The following MTHFD1L variants were observed in gnomAD, a reference collection of about 807,000 sequenced individuals.
MTHFD1L encodes monofunctional C1-tetrahydrofolate synthase, mitochondrial.
MTHFD1L carries 81 observed loss-of-function variants against 119.5 expected under a neutral mutation model. The observed-to-expected ratio is 0.68, with a 90% confidence interval of 0.57 to 0.82. MTHFD1L has a LOEUF of 0.82. MTHFD1L is among the 40% of genes least tolerant of loss of function. The probability of loss-of-function intolerance (pLI) is 0.00; values close to 1 mark genes in which losing one functional copy is unlikely to be tolerated. For missense variants in MTHFD1L, 1,125 were observed against 1,253.4 expected (o/e 0.90, Z 1.55); for synonymous variants, 430 against 475.2 (o/e 0.90, Z 1.24).
At chr6:151,055,309 T>G (rs1033255811) in intron 26 of MTHFD1L, among the ~76,000 whole-genome samples, 1 of 152,034 alleles carries the variant, frequency 6.6e-6, no homozygotes, top group Non-Finnish European at 1.5e-5. Context: ...GAGCACTTAC[T>G]AGGTGCCAGC....
chr6:151,061,509 T>G (rs780708975), intron 26 of MTHFD1L, among the ~76,000 whole-genome samples: 2 of 152,220 alleles, frequency 1.3e-5, no homozygotes, highest in Admixed American at 6.5e-5. Context: ...AGAGGATAGT[T>G]GAAACCCTCC....
chr6:151,019,249 C>T (rs1783595260), intron 24 of MTHFD1L, among the ~76,000 whole-genome samples: 1 of 152,122 alleles, frequency 6.6e-6, no homozygotes, highest in African/African-American at 2.4e-5. Context: ...GCCATCTTGC[C>T]GTCTGATCAT....
chr6:150,959,004 C>T (rs547118723), intron 17 of MTHFD1L, among the ~76,000 whole-genome samples: 52 of 152,200 alleles, frequency 3.4e-4, no homozygotes, highest in South Asian at 2.5e-3. Context: ...TACAGAAAAT[C>T]TCCATATTTT....
At chr6:151,076,873 C>T (rs1179787913) in intron 26 of MTHFD1L, among the ~76,000 whole-genome samples, 4 of 152,200 alleles carry the variant, frequency 2.6e-5, no homozygotes, top group Middle Eastern at 3.4e-3. Flanking sequence ...TGTAAAGATC[C>T]GTGCATGAAT....
chr6:151,036,677 A>G (rs1247655295), intron 25 of MTHFD1L, among the ~76,000 whole-genome samples: 1 of 152,162 alleles, frequency 6.6e-6, no homozygotes, highest in African/African-American at 2.4e-5. Context: ...CTTTGCCTGA[A>G]AATAGCCATG....
chr6:150,964,233 C>A (rs1796873354), intron 18 of MTHFD1L, among the ~76,000 whole-genome samples: 2 of 152,054 alleles, frequency 1.3e-5, no homozygotes, highest in South Asian at 4.1e-4. Flanking sequence ...CTTTTTTTGG[C>A]ACATGTTTTC....
chr6:150,885,737 A>G lies in MTHFD1L; in HGVS notation c.643+3A>G. The G allele has an allele frequency of 1.2e-6, 2 of 1,604,142 alleles. No individual in the cohort carries two copies. The highest frequency in any genetic ancestry group is 2.2e-5 in the South Asian group (2 of 90,748). ...AATTGAACTTCTTGAAAAATCAGGT[A>G]GGATGCTCCTTGAGAAATGCCGCTG... On this transcript the variant is annotated splice_donor_region_variant and intron_variant, in intron 6 of 27. Coordinates refer to ENST00000367321, the MANE Select transcript of MTHFD1L (RefSeq NM_015440.5).
At chr6:150,978,963 G>A (rs1307116357) in intron 20 of MTHFD1L, among the ~76,000 whole-genome samples, 1 of 152,126 alleles carries the variant, frequency 6.6e-6, no homozygotes, top group Admixed American at 6.5e-5. Context: ...ATTTTAGCTG[G>A]GCGCAGTGGC....
intron 1 of MTHFD1L, among the ~76,000 whole-genome samples, chr6:150,870,302 G>A (rs1779181136): frequency 6.6e-6 from 1 of 152,160 alleles, no homozygotes; most frequent in African/African-American, 2.4e-5. Context: ...TGAGCCTAAT[G>A]ACTCCTTTTT....
Position 150,865,730 on chromosome 6 carries a change from G to GCCGCCA in MTHFD1L, c.-88_-87insACCGCC. 9.1e-7 allele frequency: 1 copy of GCCGCCA among 1,093,868 alleles called. No individual in the cohort carries two copies. Among genetic ancestry groups the GCCGCCA allele is most frequent in the Non-Finnish European group, 1.1e-6 (1 of 888,812 alleles). 67.8% of individuals were successfully genotyped at this position (1,093,868 alleles called of 1,614,324 possible). A position where few individuals can be genotyped will look rare whatever the true frequency, so the allele number is the denominator to read the frequency against. On this transcript the variant is annotated 5_prime_UTR_variant, in exon 1 of 28. Transcript: ENST00000367321. ...GAAGCGCCAGGTCCTTCCCGCCGCC[G>GCCGCCA]CCGCCGCCGCCGCCGCCTGCTCCCC...
At chr6:151,062,184 C>T (rs1410284841) in intron 26 of MTHFD1L, among the ~76,000 whole-genome samples, 1 of 152,162 alleles carries the variant, frequency 6.6e-6, no homozygotes, top group Non-Finnish European at 1.5e-5. Context: ...CGCCTGTAAT[C>T]CCAGCACTTT....
chr6:151,003,486 C>A (rs755404225), intron 20 of MTHFD1L, among the ~76,000 whole-genome samples: 2 of 151,936 alleles, frequency 1.3e-5, no homozygotes, highest in Admixed American at 1.3e-4. Flanking sequence ...AAGCCGAGAT[C>A]GCACCATTGC....
At chr6:150,908,144 G>T (rs563753694) in intron 8 of MTHFD1L, among the ~76,000 whole-genome samples, 1 of 150,434 alleles carries the variant, frequency 6.6e-6, no homozygotes, top group Non-Finnish European at 1.5e-5. Flanking sequence ...CTGACCTCAA[G>T]TGATCCACCC....
chr6:151,056,552 T>TAG, intron 26 of MTHFD1L, among the ~76,000 whole-genome samples: 1 of 152,346 alleles, frequency 6.6e-6, no homozygotes, highest in East Asian at 1.9e-4. Context: ...CTGAACCTCT[T>TAG]AGAGCTGTGC....
At chr6:151,053,162 CT>C (rs1374275604) in intron 26 of MTHFD1L, among the ~76,000 whole-genome samples, 1 of 152,210 alleles carries the variant, frequency 6.6e-6, no homozygotes, top group Non-Finnish European at 1.5e-5. Context: ...ACAAATAGTT[CT>C]GATCCATGAG....
chr6:151,049,033 A>G (rs1584314517), intron 26 of MTHFD1L, among the ~76,000 whole-genome samples: 1 of 152,226 alleles, frequency 6.6e-6, no homozygotes, highest in Non-Finnish European at 1.5e-5. Context: ...AATCCAGGCC[A>G]TGCATACTTC....
At chr6:150,981,304 G>A (rs1777457119) in intron 20 of MTHFD1L, among the ~76,000 whole-genome samples, 1 of 152,150 alleles carries the variant, frequency 6.6e-6, no homozygotes, top group Non-Finnish European at 1.5e-5. Flanking sequence ...TCATGGAAAG[G>A]GATGTAGAGC....
chr6:151,042,628 T>TAC (rs1181604010), intron 26 of MTHFD1L, among the ~76,000 whole-genome samples: 1 of 152,208 alleles, frequency 6.6e-6, no homozygotes, highest in Admixed American at 6.5e-5. Flanking sequence ...ATATTGTCTT[T>TAC]AAGTTTCTAT....
intron 1 of MTHFD1L, among the ~76,000 whole-genome samples, chr6:150,875,232 A>G (rs1460488068): frequency 6.6e-6 from 1 of 151,910 alleles, no homozygotes; most frequent in Non-Finnish European, 1.5e-5. Flanking sequence ...AATTGTTTAT[A>G]GAGATGGGAT....
Sources: allele counts gnomAD v4.1 joint callset (sites outside exome capture counted in the v4.1 genomes callset), GRCh38; gene constraint gnomAD v4.1.1; transcripts MANE v1.5; gene names NCBI Gene and HGNC (gene_info 2026-07-23, HGNC 2026-07-21).